MYOCD: variants seen among roughly 807,000 people sequenced by gnomAD.
MYOCD encodes the protein myocardin.
A neutral mutation model predicts 96.1 loss-of-function variants in MYOCD; 32 were observed. The observed-to-expected ratio is 0.33, with a 90% CI of 0.25 to 0.45. The LOEUF (loss-of-function observed/expected upper bound fraction) is 0.45. Among genes scored for constraint, MYOCD ranks in the 20% least tolerant of loss-of-function variants. MYOCD has a pLI of 1.00. For synonymous variants in MYOCD, 469 were observed against 469.0 expected (o/e 1.00, Z 0.00); for missense variants, 1,133 against 1,200.6 (o/e 0.94, Z 0.83).
At chr17:12,750,023 G>C (rs1427675686) in intron 9 of MYOCD, among the ~76,000 whole-genome samples, 2 of 151,846 alleles carry the variant, frequency 1.3e-5, no homozygotes, top group Non-Finnish European at 2.9e-5. Context: ...CTAATTTTTT[G>C]TATTTTTAGT....
intron 8 of MYOCD, among the ~76,000 whole-genome samples, chr17:12,745,262 T>C (rs1271357328): frequency 6.6e-5 from 10 of 152,106 alleles, no homozygotes; most frequent in Admixed American, 5.2e-4. Context: ...CAGGCTGGAG[T>C]GCAATGGCGC....
chr17:12,760,385 G>A (rs563874453), intron 12 of MYOCD: 368 of 431,142 alleles, frequency 8.5e-4, no homozygotes, highest in Admixed American at 1.8e-3. Context: ...ATGGGTACAC[G>A]ATTTTAGTCT....
intron 1 of MYOCD, among the ~76,000 whole-genome samples, chr17:12,671,126 T>G (rs1909685254): frequency 6.6e-6 from 1 of 152,260 alleles, no homozygotes; most frequent in African/African-American, 2.4e-5. Context: ...AAATTATTAC[T>G]TGTTTATTCG....
intron 1 of MYOCD, among the ~76,000 whole-genome samples, chr17:12,685,621 A>T (rs78066296): frequency 6.9e-6 from 1 of 144,682 alleles, no homozygotes; most frequent in East Asian, 2.1e-4. Flanking sequence ...AAAAAAAAAA[A>T]GTTATTTTAT....
rs570525449 is a variant in MYOCD at position 12,710,407 on chromosome 17, A to G, written c.122-5112A>G. 918 of 600,384 alleles carry G rather than the reference A, an allele frequency of 1.5e-3. 5 individuals are homozygous for G. Among genetic ancestry groups the G allele is most frequent in the Non-Finnish European group, 1.8e-3 (849 of 478,278 alleles). 37.2% of individuals were successfully genotyped at this position (600,384 alleles called of 1,614,324 possible). A position where few individuals can be genotyped will look rare whatever the true frequency, so the allele number is the denominator to read the frequency against. On this transcript the variant is annotated intron_variant, in intron 2 of 13. Coordinates refer to ENST00000425538, the MANE Select transcript of MYOCD (RefSeq NM_001146312.3). ...GCTGGCCAGAATGAAATGTCTGGGC[A>G]GCTTGGTTTCATGATCTGATCAATG...
At chr17:12,715,385 C>T (rs985631156) in intron 2 of MYOCD, 134 bp from the exon 3 acceptor site, 3 of 608,790 alleles carry the variant, frequency 4.9e-6, no homozygotes, top group African/African-American at 3.8e-5. Flanking sequence ...CCTGTCCTCT[C>T]TCATTGCTTG....
intron 2 of MYOCD, among the ~76,000 whole-genome samples, chr17:12,711,149 A>G (rs1234969780): frequency 6.6e-6 from 1 of 152,234 alleles, no homozygotes; most frequent in Non-Finnish European, 1.5e-5. Context: ...ATTTCCAAGC[A>G]TAAAAGAAAA....
intron 1 of MYOCD, among the ~76,000 whole-genome samples, chr17:12,685,772 G>T (rs180746171): frequency 6.6e-6 from 1 of 152,096 alleles, no homozygotes; most frequent in Non-Finnish European, 1.5e-5. Flanking sequence ...TAACTCAAGC[G>T]TGTGTATCTT....
intron 6 of MYOCD, among the ~76,000 whole-genome samples, chr17:12,736,922 T>C (rs1567592419): frequency 6.6e-6 from 1 of 152,194 alleles, no homozygotes. Flanking sequence ...ATGAGGAACA[T>C]GTATTGAGAA....
chr17:12,751,900 C>G (rs755677952), intron 9 of MYOCD, among the ~76,000 whole-genome samples: 1 of 152,172 alleles, frequency 6.6e-6, no homozygotes, highest in African/African-American at 2.4e-5. Flanking sequence ...TCAACTGGGT[C>G]AGAAACCCCA....
Position 12,765,196 on chromosome 17 carries a change from T to C in MYOCD, c.*1552T>C, listed in dbSNP as rs1210060023. On this transcript the variant is annotated 3_prime_UTR_variant, in exon 14 of 14. Transcript: ENST00000425538. Reference sequence around the variant, plus strand: ...AAAGCTAAAATTTCAGAACAGTCTCTGTAAGGCTCTCTGTGGCTCCAGTTC... The same window carrying C: ...AAAGCTAAAATTTCAGAACAGTCTCCGTAAGGCTCTCTGTGGCTCCAGTTC... 6.6e-6 allele frequency: 1 copy of C among 152,120 alleles called. No homozygotes were observed. Among genetic ancestry groups the C allele is most frequent in the Non-Finnish European group, 1.5e-5 (1 of 68,014 alleles). The allele number at this position is 152,120 out of a possible 1,614,324, so 9.4% of individuals were successfully genotyped here.
chr17:12,674,345 A>G (rs1909886509), intron 1 of MYOCD, among the ~76,000 whole-genome samples: 1 of 152,228 alleles, frequency 6.6e-6, no homozygotes, highest in South Asian at 2.1e-4. Flanking sequence ...AATTACTGCT[A>G]TCGTCCTTGA....
intron 1 of MYOCD, among the ~76,000 whole-genome samples, chr17:12,685,604 TAAAA>T (rs66632617): frequency 3.5e-5 from 5 of 144,002 alleles, no homozygotes; most frequent in African/African-American, 1.0e-4. Context: ...GAGACTGGCT[TAAAA>T]AAAAAAAAAA....
chr17:12,741,672 T>C (rs1485320321), intron 7 of MYOCD, among the ~76,000 whole-genome samples: 1 of 150,798 alleles, frequency 6.6e-6, no homozygotes, highest in East Asian at 2.0e-4. Flanking sequence ...TCGCAGTCAC[T>C]GCACTCTAGC....
chr17:12,704,681 G>A (rs1327204755), intron 1 of MYOCD, among the ~76,000 whole-genome samples: 2 of 152,120 alleles, frequency 1.3e-5, no homozygotes, highest in African/African-American at 2.4e-5. Context: ...ATTTACAAAC[G>A]AGGAAACTGA....
chr17:12,673,230 C>T (rs1909809571), intron 1 of MYOCD, among the ~76,000 whole-genome samples: 2 of 152,084 alleles, frequency 1.3e-5, no homozygotes, highest in South Asian at 4.1e-4. Context: ...ACTGCCCTGT[C>T]TGGAGCTTCT....
intron 1 of MYOCD, among the ~76,000 whole-genome samples, chr17:12,699,892 CTT>C (rs36068735): frequency 2.1e-4 from 28 of 131,788 alleles, no homozygotes; most frequent in Non-Finnish European, 1.9e-4. Flanking sequence ...ATATATATTT[CTT>C]TTTTTTTTTT....
intron 1 of MYOCD, among the ~76,000 whole-genome samples, chr17:12,698,985 G>A (rs925673571): frequency 2.0e-5 from 3 of 151,430 alleles, no homozygotes; most frequent in South Asian, 4.2e-4. Flanking sequence ...CTCATGATCT[G>A]CCCGCCTCGG....
chr17:12,673,419 C>T (rs1351482697), intron 1 of MYOCD, among the ~76,000 whole-genome samples: 2 of 152,142 alleles, frequency 1.3e-5, no homozygotes, highest in Non-Finnish European at 2.9e-5. Flanking sequence ...TAAGTTTATA[C>T]TCAGCCTTTT....
Sources: allele counts gnomAD v4.1 joint callset (sites outside exome capture counted in the v4.1 genomes callset), GRCh38; gene constraint gnomAD v4.1.1; transcripts MANE v1.5; gene names NCBI Gene and HGNC (gene_info 2026-07-23, HGNC 2026-07-21).